APP: variants seen among roughly 807,000 people sequenced by gnomAD.
APP encodes the protein amyloid beta precursor protein.
APP carries 31 observed loss-of-function variants against 101.4 expected under a neutral mutation model. The ratio of observed to expected loss-of-function variants is 0.31; its 90% confidence interval spans 0.23 to 0.41. The LOEUF (loss-of-function observed/expected upper bound fraction) is 0.41. Among genes scored for constraint, APP ranks in the 10% least tolerant of loss-of-function variants. The pLI, the probability that APP is intolerant of heterozygous loss-of-function variation, is 1.00. For missense variants in APP, 839 were observed against 1,003.7 expected (o/e 0.84, Z 2.22); for synonymous variants, 366 against 364.4 (o/e 1.00, Z -0.05).
In APP at chr21:26,074,053, G is replaced by A. The variant is rs572735319; in HGVS notation, c.355+15890C>T. On this transcript the variant is annotated intron_variant, in intron 3 of 17. Coordinates refer to ENST00000346798, the MANE Select transcript of APP (RefSeq NM_000484.4). Reference sequence around the variant, plus strand: ...TGATAAAGATACCATCCAATAAATAGGGGGATCTTCAGTGACATCCAAACC... The same window carrying A: ...TGATAAAGATACCATCCAATAAATAAGGGGATCTTCAGTGACATCCAAACC... Among the ~76,000 whole-genome samples, 5 of 152,158 alleles carry A rather than the reference G, an allele frequency of 3.3e-5. No individual in the cohort carries two copies. The South Asian group carries it at 1.0e-3, about 32-fold the overall frequency.
At chr21:26,002,588 T>G (rs1230697156) in intron 6 of APP, among the ~76,000 whole-genome samples, 1 of 152,228 alleles carries the variant, frequency 6.6e-6, no homozygotes, top group East Asian at 1.9e-4. Context: ...TTAATTCCAA[T>G]AAGACTGCAA....
rs772468169 is a variant in APP, at chr21:26,143,928, T to C, written c.57+26636A>G. On this transcript the variant is annotated intron_variant, in intron 1 of 17. Coordinates refer to ENST00000346798, the MANE Select transcript of APP (RefSeq NM_000484.4). ...ATTATGTAGCCTCCCTGTATTAATCTGATCTCACGCTGCTAATGAAGACAT... is the reference window on the plus strand; with the variant it reads ...ATTATGTAGCCTCCCTGTATTAATCCGATCTCACGCTGCTAATGAAGACAT... Among the ~76,000 whole-genome samples the C allele has an allele frequency of 2.6e-4, 40 of 152,322 alleles. 1 individual carries two copies. The Middle Eastern group carries it at 0.024, about 91-fold the overall frequency.
At chr21:25,904,768 C>A (rs1312259013) in intron 15 of APP, among the ~76,000 whole-genome samples, 3 of 151,492 alleles carry the variant, frequency 2.0e-5, no homozygotes, top group Admixed American at 1.3e-4. Context: ...AAAAAAAAAC[C>A]CAAATTTGGA....
chr21:25,924,769 A>T (rs1038552988), intron 13 of APP, among the ~76,000 whole-genome samples: 10 of 150,310 alleles, frequency 6.7e-5, no homozygotes, highest in Non-Finnish European at 1.3e-4. Context: ...CCCAGAACTT[A>T]AAGTAAACAA....
At chr21:26,073,148 T>C (rs2061438674) in intron 3 of APP, among the ~76,000 whole-genome samples, 1 of 152,050 alleles carries the variant, frequency 6.6e-6, no homozygotes, top group Non-Finnish European at 1.5e-5. Flanking sequence ...ATGTGTTGTG[T>C]GAGAAAATGG....
At chr21:26,065,905 G>T (rs2046436197) in intron 3 of APP, among the ~76,000 whole-genome samples, 1 of 152,180 alleles carries the variant, frequency 6.6e-6, no homozygotes, top group South Asian at 2.1e-4. Context: ...CAGATTAGGG[G>T]TTTTCAAACT....
chr21:25,894,828 A>G (rs186210136), intron 16 of APP, among the ~76,000 whole-genome samples: 4 of 152,330 alleles, frequency 2.6e-5, no homozygotes, highest in Admixed American at 1.3e-4. Flanking sequence ...AAGCTGTTCT[A>G]CTGTGAGCAA....
intron 1 of APP, among the ~76,000 whole-genome samples, chr21:26,116,091 G>C (rs1252421529): frequency 6.6e-6 from 1 of 152,138 alleles, no homozygotes; most frequent in African/African-American, 2.4e-5. Flanking sequence ...CATAAAACTG[G>C]AGATGCTTTC....
At chr21:26,167,559 T>C (rs910373747) in intron 1 of APP, among the ~76,000 whole-genome samples, 4 of 152,200 alleles carry the variant, frequency 2.6e-5, no homozygotes, top group African/African-American at 9.7e-5. Context: ...CATACAAATA[T>C]CTGTAGAAGA....
Position 26,062,230 on chromosome 21 carries a change from AACACAC to A in APP, c.356-8888_356-8883del, listed in dbSNP as rs55971567. Among the ~76,000 whole-genome samples, 595 of 145,060 alleles carry A rather than the reference AACACAC, an allele frequency of 4.1e-3. 7 individuals carry two copies. Among genetic ancestry groups the A allele is most frequent in the African/African-American group, 0.013 (519 of 39,542 alleles). On this transcript the variant is annotated intron_variant, in intron 3 of 17. Coordinates refer to ENST00000346798, the MANE Select transcript of APP (RefSeq NM_000484.4). ...GTCTCAAAAAACAAACAAACAAACAAACACACACACACACACACACACACACACAGA... is the reference window on the plus strand; with the variant it reads ...GTCTCAAAAAACAAACAAACAAACAAACACACACACACACACACACACAGA...
chr21:25,900,830 A>G (rs1186829440), intron 15 of APP, among the ~76,000 whole-genome samples: 1 of 151,502 alleles, frequency 6.6e-6, no homozygotes, highest in Admixed American at 6.6e-5. Flanking sequence ...TCTACTAAAA[A>G]TACAAAAAAT....
Position 26,162,752 on chromosome 21 carries a change from A to G in APP, c.57+7812T>C, listed in dbSNP as rs1173246485. Among the ~76,000 whole-genome samples the G allele has an allele frequency of 3.3e-5, 5 of 149,408 alleles. No homozygotes were observed. In the Admixed American group the frequency reaches 3.4e-4, roughly 10 times the overall value. On this transcript the variant is annotated intron_variant, in intron 1 of 17. Coordinates refer to ENST00000346798, the MANE Select transcript of APP (RefSeq NM_000484.4). Reference sequence around the variant, plus strand: ...ATGCAACAGATCTCTTATTCTCATAAGTATCTTTTATGGCTGAAAAGTAAT... The same window carrying G: ...ATGCAACAGATCTCTTATTCTCATAGGTATCTTTTATGGCTGAAAAGTAAT...
chr21:25,957,943 G>A (rs1031637274), intron 11 of APP, among the ~76,000 whole-genome samples: 8 of 151,334 alleles, frequency 5.3e-5, no homozygotes, highest in African/African-American at 1.7e-4. Context: ...CTGATTGCAC[G>A]ACTGTACTCA....
intron 13 of APP, among the ~76,000 whole-genome samples, chr21:25,931,906 G>T (rs2040165930): frequency 1.3e-5 from 2 of 152,086 alleles, no homozygotes; most frequent in South Asian, 4.1e-4. Flanking sequence ...AATGAAAATG[G>T]AAACGTTCCC....
At chr21:25,893,990 G>A (rs2037863289) in intron 16 of APP, among the ~76,000 whole-genome samples, 1 of 152,190 alleles carries the variant, frequency 6.6e-6, no homozygotes. Flanking sequence ...AGCCAAGACT[G>A]ACCATTGTAA....
intron 13 of APP, among the ~76,000 whole-genome samples, chr21:25,952,154 C>A (rs1174559473): frequency 1.3e-5 from 2 of 150,108 alleles, no homozygotes; most frequent in East Asian, 1.9e-4. Context: ...CTTAAAAAAA[C>A]CCAACTAATG....
chr21:26,026,010 A>T (rs1484117715), intron 5 of APP, among the ~76,000 whole-genome samples: 1 of 152,226 alleles, frequency 6.6e-6, no homozygotes, highest in African/African-American at 2.4e-5. Flanking sequence ...AAGGAAAAAA[A>T]TGACTTTTCC....
chr21:26,053,395 T>G (rs781007385), intron 3 of APP, 47 bp from the exon 4 acceptor site: 2 of 1,329,724 alleles, frequency 1.5e-6, no homozygotes, highest in South Asian at 2.3e-5. Context: ...TGTATCACAG[T>G]GTTCTTACCG....
intron 13 of APP, among the ~76,000 whole-genome samples, chr21:25,943,958 A>G (rs2040692015): frequency 1.3e-5 from 2 of 152,194 alleles, no homozygotes; most frequent in Non-Finnish European, 2.9e-5. Context: ...AGCAACTTCA[A>G]TGCTATACAG....
Sources: gnomAD v4.1 joint callset for allele counts (sites outside exome capture counted in the v4.1 genomes callset) on GRCh38, gnomAD v4.1.1 for gene constraint, MANE v1.5 for transcripts, NCBI Gene and HGNC (gene_info 2026-07-23, HGNC 2026-07-21) for gene names.